The following IGF2BP3 variants were observed in gnomAD, a reference collection of about 807,000 sequenced individuals.
IGF2BP3 encodes insulin-like growth factor 2 mRNA-binding protein 3.
IGF2BP3 carries 9 observed loss-of-function variants against 73.8 expected under a neutral mutation model. The ratio of observed to expected loss-of-function variants is 0.12; its 90% CI spans 0.07 to 0.21. The LOEUF (loss-of-function observed/expected upper bound fraction) is 0.21, where lower values mean the gene tolerates loss of function less well. Ranked by LOEUF, IGF2BP3 falls within the 10% of genes least tolerant of loss-of-function variation. IGF2BP3 has a pLI of 1.00. For missense variants in IGF2BP3, 542 were observed against 714.0 expected (o/e 0.76, Z 2.75); for synonymous variants, 258 against 256.7 (o/e 1.01, Z -0.05).
chr7:23,446,990 G>A (rs1019953892), intron 2 of IGF2BP3, among the ~76,000 whole-genome samples: 1 of 151,938 alleles, frequency 6.6e-6, no homozygotes, highest in African/African-American at 2.4e-5. Context: ...ATCACTTGAG[G>A]TCAGGAGTTC....
chr7:23,375,893 T>A (rs888302387), intron 3 of IGF2BP3, among the ~76,000 whole-genome samples: 6 of 152,230 alleles, frequency 3.9e-5, no homozygotes, highest in Non-Finnish European at 8.8e-5. Flanking sequence ...GTTATCCTTC[T>A]GGCTCTATGG....
At chr7:23,434,790 T>C (rs1787770511) in intron 2 of IGF2BP3, among the ~76,000 whole-genome samples, 2 of 152,130 alleles carry the variant, frequency 1.3e-5, no homozygotes, top group South Asian at 4.1e-4. Context: ...TCTAGTGAGA[T>C]AGAACAGGTA....
At chr7:23,457,744 C>G (rs1452019153) in intron 2 of IGF2BP3, among the ~76,000 whole-genome samples, 1 of 152,306 alleles carries the variant, frequency 6.6e-6, no homozygotes, top group Admixed American at 6.5e-5. Context: ...ATATATTCAG[C>G]AACGAGTGTA....
chr7:23,364,773 C>T (rs1785326038), intron 3 of IGF2BP3, among the ~76,000 whole-genome samples: 1 of 152,004 alleles, frequency 6.6e-6, no homozygotes. Context: ...GAAAGCCACA[C>T]TAATAATAAT....
chr7:23,467,396 T>C (rs1465853444), intron 2 of IGF2BP3, among the ~76,000 whole-genome samples: 10 of 152,216 alleles, frequency 6.6e-5, no homozygotes, highest in Admixed American at 6.5e-4. Context: ...AGCCCTGATT[T>C]AAATTAACTT....
chr7:23,380,985 C>T (rs1785892382), intron 3 of IGF2BP3, among the ~76,000 whole-genome samples: 1 of 152,176 alleles, frequency 6.6e-6, no homozygotes, highest in Non-Finnish European at 1.5e-5. Flanking sequence ...TAGTAAGCAC[C>T]CACCTCCAAC....
chr7:23,375,308 T>A (rs1785683912), intron 3 of IGF2BP3, among the ~76,000 whole-genome samples: 1 of 152,138 alleles, frequency 6.6e-6, no homozygotes, highest in Non-Finnish European at 1.5e-5. Flanking sequence ...AACTGCCACA[T>A]GGAATTCAAT....
intron 2 of IGF2BP3, among the ~76,000 whole-genome samples, chr7:23,438,885 C>T (rs371119097): frequency 6.6e-6 from 1 of 152,078 alleles, no homozygotes; most frequent in East Asian, 1.9e-4. Flanking sequence ...AAAAATTTAA[C>T]GATTCTACTT....
At chr7:23,429,297 A>G (rs1787607787) in intron 2 of IGF2BP3, among the ~76,000 whole-genome samples, 1 of 152,228 alleles carries the variant, frequency 6.6e-6, no homozygotes. Context: ...AAAAGATAGA[A>G]ATAAGAACCC....
intron 3 of IGF2BP3, among the ~76,000 whole-genome samples, chr7:23,406,908 T>C (rs1786850031): frequency 6.6e-6 from 1 of 152,110 alleles, no homozygotes; most frequent in South Asian, 2.1e-4. Flanking sequence ...AGAAAAGTTC[T>C]TCAAGTCCCC....
chr7:23,315,188 A>T (rs1311390254), intron 12 of IGF2BP3, among the ~76,000 whole-genome samples: 1 of 150,940 alleles, frequency 6.6e-6, no homozygotes, highest in Admixed American at 6.6e-5. Context: ...GCACACTGCA[A>T]CCTCTGTCTC....
intron 3 of IGF2BP3, among the ~76,000 whole-genome samples, chr7:23,411,425 T>C (rs898992167): frequency 6.6e-6 from 1 of 151,978 alleles, no homozygotes; most frequent in Non-Finnish European, 1.5e-5. Flanking sequence ...CTACTAAAAA[T>C]ACAAAAATTA....
intron 8 of IGF2BP3, among the ~76,000 whole-genome samples, chr7:23,344,106 G>A (rs1356827877): frequency 6.6e-6 from 1 of 152,116 alleles, no homozygotes; most frequent in Non-Finnish European, 1.5e-5. Flanking sequence ...GTTCAATCAA[G>A]TCCATATTTT....
At chr7:23,454,510 C>T (rs1482551565) in intron 2 of IGF2BP3, among the ~76,000 whole-genome samples, 3 of 152,300 alleles carry the variant, frequency 2.0e-5, no homozygotes, top group Admixed American at 2.0e-4. Context: ...ATTAGTGAGA[C>T]AATATCACTT....
chr7:23,345,185 G>A (rs1287214523), intron 8 of IGF2BP3, among the ~76,000 whole-genome samples: 1 of 152,112 alleles, frequency 6.6e-6, no homozygotes, highest in East Asian at 1.9e-4. Context: ...AGTACTCTGA[G>A]TGAAACTAAG....
intron 3 of IGF2BP3, among the ~76,000 whole-genome samples, chr7:23,386,459 CAAT>C (rs1786084980): frequency 2.0e-5 from 3 of 152,180 alleles, no homozygotes; most frequent in South Asian, 4.1e-4. Context: ...CAGAAACACA[CAAT>C]GATGGAGTGA....
chr7:23,461,263 C>T (rs371943594), intron 2 of IGF2BP3, among the ~76,000 whole-genome samples: 1 of 152,182 alleles, frequency 6.6e-6, no homozygotes, highest in East Asian at 1.9e-4. Context: ...CTGGTCTTTC[C>T]TTCATCCTAC....
intron 3 of IGF2BP3, among the ~76,000 whole-genome samples, chr7:23,400,757 A>G (rs12700431): frequency 0.29 from 43,767 of 152,190 alleles, 6,368 homozygotes; most frequent in South Asian, 0.35. Context: ...ATGACTGTGT[A>G]TAAAATGAGT....
intron 2 of IGF2BP3, among the ~76,000 whole-genome samples, chr7:23,435,249 C>T (rs1271071447): frequency 1.5e-5 from 2 of 130,970 alleles, no homozygotes; most frequent in African/African-American, 5.8e-5. Context: ...ACAAAGATCG[C>T]ACCATTGCAC....
Sources: gnomAD v4.1 joint callset for allele counts (sites outside exome capture counted in the v4.1 genomes callset) on GRCh38, gnomAD v4.1.1 for gene constraint, MANE v1.5 for transcripts, NCBI Gene and HGNC (gene_info 2026-07-23, HGNC 2026-07-21) for gene names.